Variants in LRRFIP2 observed in about 807,000 individuals in gnomAD.
LRRFIP2 encodes leucine-rich repeat flightless-interacting protein 2.
Under a neutral mutation model 125.9 loss-of-function variants are expected in LRRFIP2, and 109 were observed. The ratio of observed to expected loss-of-function variants is 0.87; its 90% CI spans 0.74 to 1.01. LRRFIP2 has a LOEUF of 1.01. Ranked by LOEUF, LRRFIP2 falls within the 50% of genes least tolerant of loss-of-function variation. The pLI, the probability that LRRFIP2 is intolerant of heterozygous loss-of-function variation, is 0.00. For missense variants in LRRFIP2, 850 were observed against 862.3 expected (o/e 0.99, Z 0.18); for synonymous variants, 291 against 293.1 (o/e 0.99, Z 0.07).
intron 2 of LRRFIP2, among the ~76,000 whole-genome samples, chr3:37,147,801 C>T (rs2095896098): frequency 6.6e-6 from 1 of 152,196 alleles, no homozygotes; most frequent in South Asian, 2.1e-4. Flanking sequence ...GAGTCTGAAA[C>T]AAAGTTGGCA....
intron 6 of LRRFIP2, among the ~76,000 whole-genome samples, chr3:37,116,070 G>T (rs1045592995): frequency 2.0e-5 from 3 of 152,006 alleles, no homozygotes; most frequent in Non-Finnish European, 4.4e-5. Flanking sequence ...CTAAAGTAAC[G>T]TTTTCATAAG....
intron 1 of LRRFIP2, among the ~76,000 whole-genome samples, chr3:37,149,945 C>T (rs1286796174): frequency 6.6e-6 from 1 of 151,492 alleles, no homozygotes; most frequent in Non-Finnish European, 1.5e-5. Flanking sequence ...AGGTTGCAGT[C>T]AGCCAAGATC....
In LRRFIP2 at chr3:37,065,908, G is replaced by A. The variant is rs773593858; in HGVS notation, c.1601C>T (p.Pro534Leu). The A allele has an allele frequency of 3.0e-5, 49 of 1,614,032 alleles. No individual in the cohort carries two copies. The highest frequency in any genetic ancestry group is 4.1e-5 in the Non-Finnish European group (48 of 1,180,018). ...HGLVIIPDGT[P>L]NGDVSHEPVA... ...TGGTTCATGACTGACATCACCATTG[G>A]GAGTGCCATCGGGGATTATAACTAA... The change falls in exon 23 of 28, where the codon CCC (proline) becomes CTC (leucine). Residue 534 changes from proline (P) to leucine (L), a missense_variant. Physicochemically the swap from Pro to Leu is moderately conservative, Grantham distance 98. Transcript: ENST00000336686.
chr3:37,163,324 G>A (rs145448444), intron 1 of LRRFIP2, among the ~76,000 whole-genome samples: 17 of 152,310 alleles, frequency 1.1e-4, no homozygotes, highest in Non-Finnish European at 1.0e-4. Context: ...TGACCAAGGC[G>A]TTTTCCCTTT....
At chr3:37,057,102 CCA>C (rs2087110059) in intron 25 of LRRFIP2, among the ~76,000 whole-genome samples, 1 of 152,116 alleles carries the variant, frequency 6.6e-6, no homozygotes. Context: ...GCCAGCTTTC[CCA>C]CAGTCCTGCA....
chr3:37,125,043 G>A (rs962899199), intron 4 of LRRFIP2, among the ~76,000 whole-genome samples: 5 of 3,550 alleles, frequency 1.4e-3, no homozygotes, highest in Non-Finnish European at 2.2e-3. Flanking sequence ...ACAGTACAAC[G>A]CCTTAAAAAA....
At chr3:37,171,192 G>A (rs2096582181) in intron 1 of LRRFIP2, 1 of 152,286 alleles carries the variant, frequency 6.6e-6, no homozygotes, top group Non-Finnish European at 1.5e-5. Flanking sequence ...GGGCTAAGTA[G>A]TTGTTCACCC....
At chr3:37,127,965 A>C (rs1476287935) in intron 3 of LRRFIP2, among the ~76,000 whole-genome samples, 2 of 152,126 alleles carry the variant, frequency 1.3e-5, no homozygotes, top group Non-Finnish European at 2.9e-5. Context: ...TTAGTTGCCC[A>C]GGCTGGAATG....
Position 37,053,911 on chromosome 3 carries a change from G to C in LRRFIP2, c.2106C>G (p.His702Gln), listed in dbSNP as rs1337027647. The C allele has an allele frequency of 5.0e-6, 8 of 1,613,970 alleles. No homozygotes were observed. The highest frequency in any genetic ancestry group is 6.8e-6 in the Non-Finnish European group (8 of 1,179,970). The change falls in exon 28 of 28, where the codon CAC (histidine) becomes CAG (glutamine). Residue 702 changes from histidine (H) to glutamine (Q), a missense_variant. Transcript: ENST00000336686. ...KIEEMEMTNS[H>Q]LAKRLEKMKA... Reference sequence around the variant, plus strand: ...TCATCTTCTCCAGCCGCTTGGCCAGGTGGCTGTTGGTCATCTCCATCTCCT... The same window carrying C: ...TCATCTTCTCCAGCCGCTTGGCCAGCTGGCTGTTGGTCATCTCCATCTCCT...
At chr3:37,161,798 A>G (rs1287681640) in intron 1 of LRRFIP2, among the ~76,000 whole-genome samples, 4 of 152,030 alleles carry the variant, frequency 2.6e-5, no homozygotes, top group Non-Finnish European at 4.4e-5. Flanking sequence ...AACAGAAAAA[A>G]AAAAAAAAGA....
chr3:37,098,746 T>C (rs2093864138), intron 15 of LRRFIP2, among the ~76,000 whole-genome samples: 1 of 152,140 alleles, frequency 6.6e-6, no homozygotes, highest in African/African-American at 2.4e-5. Flanking sequence ...AAAGGAATAA[T>C]CCTTTTACAC....
At chr3:37,141,793 C>T (rs777219303) in intron 2 of LRRFIP2, among the ~76,000 whole-genome samples, 51 of 152,124 alleles carry the variant, frequency 3.4e-4, no homozygotes, top group Non-Finnish European at 6.2e-4. Flanking sequence ...TGGGCTGATT[C>T]CTGAGTATCT....
chr3:37,096,294 G>A (rs1468414526), intron 16 of LRRFIP2, among the ~76,000 whole-genome samples: 1 of 152,120 alleles, frequency 6.6e-6, no homozygotes, highest in East Asian at 1.9e-4. Flanking sequence ...CTCAGAGTTT[G>A]TCACCACCAT....
At chr3:37,077,378 A>G (rs1277158864) in intron 19 of LRRFIP2, among the ~76,000 whole-genome samples, 2 of 152,222 alleles carry the variant, frequency 1.3e-5, no homozygotes, top group African/African-American at 4.8e-5. Context: ...ATCTCTATAC[A>G]ACATTCATAA....
chr3:37,074,939 A>C, intron 20 of LRRFIP2, 85 bp downstream of exon 20: 333 of 800,518 alleles, frequency 4.2e-4, no homozygotes, highest in Non-Finnish European at 6.1e-4. Flanking sequence ...GATGCATCTT[A>C]ACTCTCCTTC....
chr3:37,101,644 G>A (rs1188625738), intron 15 of LRRFIP2, among the ~76,000 whole-genome samples: 2 of 138,968 alleles, frequency 1.4e-5, no homozygotes, highest in East Asian at 2.1e-4. Flanking sequence ...CGACCTGGAC[G>A]ATAGGTCTCA....
At chr3:37,167,816 T>C (rs1270963537) in intron 1 of LRRFIP2, among the ~76,000 whole-genome samples, 3 of 151,830 alleles carry the variant, frequency 2.0e-5, no homozygotes, top group Non-Finnish European at 2.9e-5. Flanking sequence ...CTCTACAAAA[T>C]ATACAAAAAT....
intron 2 of LRRFIP2, chr3:37,135,130 T>A: frequency 8.0e-7 from 1 of 1,244,684 alleles, no homozygotes; most frequent in Non-Finnish European, 1.2e-6. Flanking sequence ...CAGAATAACC[T>A]GCATTATAGC....
Position 37,102,919 on chromosome 3 carries a change from C to T in LRRFIP2, c.873+5G>A, listed in dbSNP as rs1223709884. The T allele has an allele frequency of 5.8e-6, 9 of 1,552,344 alleles. No individual in the cohort carries two copies. The highest frequency in any genetic ancestry group is 7.9e-6 in the Non-Finnish European group (9 of 1,145,978). ...ATAACCAACCACCCCATGCAATACA[C>T]TCACGCTGGACAAATCTGGGATACT... On this transcript the variant is annotated splice_donor_5th_base_variant and intron_variant, in intron 15 of 27. Coordinates refer to ENST00000336686, the MANE Select transcript of LRRFIP2 (RefSeq NM_006309.4).
Sources: gnomAD v4.1 joint callset for allele counts (sites outside exome capture counted in the v4.1 genomes callset) on GRCh38, gnomAD v4.1.1 for gene constraint, MANE v1.5 for transcripts, NCBI Gene and HGNC (gene_info 2026-07-23, HGNC 2026-07-21) for gene names.